Variants in PDZRN3 observed in about 807,000 individuals in gnomAD.
PDZRN3 encodes the protein PDZ domain containing ring finger 3, also known as E3 ubiquitin-protein ligase PDZRN3.
In PDZRN3, 38 loss-of-function variants were observed where a neutral mutation model predicts 85.7. The observed-to-expected ratio is 0.44, with a 90% CI of 0.34 to 0.58. The LOEUF is 0.58. Among genes scored for constraint, PDZRN3 ranks in the 20% least tolerant of loss-of-function variants. The probability of loss-of-function intolerance (pLI) is 0.01; values close to 1 mark genes in which losing one functional copy is unlikely to be tolerated. For synonymous variants in PDZRN3, 759 were observed against 638.0 expected, an observed-to-expected ratio of 1.19 and a Z score of -2.86; for missense variants, 1,629 against 1,506.4, an observed-to-expected ratio of 1.08 and a Z score of -1.35.
At chr3:73,402,463 G>C (rs1448162427) in intron 4 of PDZRN3, 1 of 152,286 alleles carries the variant, frequency 6.6e-6, no homozygotes, top group African/African-American at 2.4e-5. Flanking sequence ...CATCAGCTCA[G>C]TGGAACCTGG....
intron 3 of PDZRN3, among the ~76,000 whole-genome samples, chr3:73,506,909 A>C (rs549562261): frequency 3.1e-4 from 43 of 140,750 alleles, no homozygotes; most frequent in African/African-American, 9.1e-4. Context: ...AAAAAAAAAA[A>C]CAAAAAAACA....
chr3:73,406,989 A>C (rs1701868095), intron 3 of PDZRN3, among the ~76,000 whole-genome samples: 1 of 151,856 alleles, frequency 6.6e-6, no homozygotes, highest in African/African-American at 2.4e-5. Context: ...TGCTAAAAGA[A>C]CTCTTTGTTA....
At chr3:73,454,456 T>C (rs1702938348) in intron 3 of PDZRN3, among the ~76,000 whole-genome samples, 1 of 152,086 alleles carries the variant, frequency 6.6e-6, no homozygotes, top group Non-Finnish European at 1.5e-5. Context: ...GAAGAGGTAA[T>C]GAAAAAGGGG....
intron 3 of PDZRN3, among the ~76,000 whole-genome samples, chr3:73,601,440 C>T (rs1470703465): frequency 2.0e-5 from 3 of 152,198 alleles, no homozygotes; most frequent in East Asian, 1.9e-4. Flanking sequence ...CACTATATTA[C>T]GGCTGTGGCC....
At chr3:73,390,906 T>C (rs1189913141) in intron 6 of PDZRN3, 112 bp downstream of exon 6, 1 of 700,742 alleles carries the variant, frequency 1.4e-6, no homozygotes, top group Non-Finnish European at 2.5e-6. Flanking sequence ...ACAGAATAAT[T>C]TGTGTCTTTC....
intron 3 of PDZRN3, among the ~76,000 whole-genome samples, chr3:73,425,728 CTT>C (rs1464303062): frequency 6.6e-6 from 1 of 152,058 alleles, no homozygotes; most frequent in East Asian, 1.9e-4. Flanking sequence ...TTTATTAAGA[CTT>C]TTAAAAATGG....
chr3:73,440,522 C>A (rs1702614393), intron 3 of PDZRN3, among the ~76,000 whole-genome samples: 2 of 152,186 alleles, frequency 1.3e-5, no homozygotes, highest in African/African-American at 4.8e-5. Context: ...CTCACGGACG[C>A]CCCGTGAGAC....
At chr3:73,413,218 T>C (rs1440026387) in intron 3 of PDZRN3, among the ~76,000 whole-genome samples, 8 of 152,180 alleles carry the variant, frequency 5.3e-5, no homozygotes, top group Admixed American at 4.6e-4. Flanking sequence ...GCCTGGCTCA[T>C]AGCACACTCA....
At chr3:73,493,386 C>T (rs1049360123) in intron 3 of PDZRN3, among the ~76,000 whole-genome samples, 9 of 152,144 alleles carry the variant, frequency 5.9e-5, no homozygotes, top group Admixed American at 2.6e-4. Context: ...ACATGGAGCA[C>T]GGTGACCATG....
chr3:73,410,134 T>C (rs563370340), intron 3 of PDZRN3, among the ~76,000 whole-genome samples: 4 of 152,224 alleles, frequency 2.6e-5, no homozygotes, highest in Non-Finnish European at 5.9e-5. Context: ...TAGACGATAA[T>C]ACACTATATA....
intron 3 of PDZRN3, among the ~76,000 whole-genome samples, chr3:73,446,444 G>A (rs1702749859): frequency 6.6e-6 from 1 of 152,132 alleles, no homozygotes; most frequent in Non-Finnish European, 1.5e-5. Flanking sequence ...ACAATGCTGA[G>A]GACTAACAGA....
chr3:73,539,719 A>T (rs1328405692), intron 3 of PDZRN3, among the ~76,000 whole-genome samples: 2 of 152,100 alleles, frequency 1.3e-5, no homozygotes, highest in Non-Finnish European at 2.9e-5. Flanking sequence ...GAAACAATGA[A>T]TCCTGGGTGC....
chr3:73,600,097 G>A (rs892330871), intron 3 of PDZRN3, among the ~76,000 whole-genome samples: 6 of 152,162 alleles, frequency 3.9e-5, no homozygotes, highest in Admixed American at 2.0e-4. Flanking sequence ...GGTAAGAGCC[G>A]CTGCTCTGGT....
chr3:73,517,721 C>T lies in PDZRN3; in HGVS notation c.918+84633G>A, dbSNP rs563404646. On this transcript the variant is annotated intron_variant, in intron 3 of 9. Coordinates refer to ENST00000263666, the MANE Select transcript of PDZRN3 (RefSeq NM_015009.3). ...ATGGCTTCACATTTCACAAGCAAGA[C>T]GATGTAGAGTTTCTGTAATGTATAA... Among the ~76,000 whole-genome samples the T allele has an allele frequency of 2.6e-5, 4 of 152,242 alleles. No individual in the cohort carries two copies. The South Asian group carries it at 6.2e-4, about 24-fold the overall frequency.
chr3:73,425,308 G>A (rs926211713), intron 3 of PDZRN3, among the ~76,000 whole-genome samples: 9 of 152,092 alleles, frequency 5.9e-5, no homozygotes, highest in East Asian at 3.9e-4. Context: ...GTGAGCCACC[G>A]CGCCCAGCCA....
chr3:73,477,960 T>C (rs1703490747), intron 3 of PDZRN3, among the ~76,000 whole-genome samples: 1 of 152,154 alleles, frequency 6.6e-6, no homozygotes, highest in Non-Finnish European at 1.5e-5. Flanking sequence ...GACAACAACA[T>C]GGGGAAAACC....
intron 3 of PDZRN3, among the ~76,000 whole-genome samples, chr3:73,583,441 C>T (rs1257901338): frequency 6.6e-6 from 1 of 152,188 alleles, no homozygotes; most frequent in South Asian, 2.1e-4. Context: ...TTGATATTCT[C>T]AGCACTGGTT....
At chr3:73,400,853 A>C in intron 5 of PDZRN3, 69 bp downstream of exon 5, 4 of 1,098,458 alleles carry the variant, frequency 3.6e-6, no homozygotes, top group Non-Finnish European at 5.6e-6. Context: ...TTATGCTTAT[A>C]GAGAACTTAT....
chr3:73,604,196 G>A (rs1012160650), intron 2 of PDZRN3, among the ~76,000 whole-genome samples: 9 of 152,104 alleles, frequency 5.9e-5, no homozygotes, highest in Non-Finnish European at 1.3e-4. Flanking sequence ...CCTCTCTCAC[G>A]GCAGCCTTAC....
Sources: gnomAD v4.1 joint callset for allele counts (sites outside exome capture counted in the v4.1 genomes callset) on GRCh38, gnomAD v4.1.1 for gene constraint, MANE v1.5 for transcripts, NCBI Gene and HGNC (gene_info 2026-07-23, HGNC 2026-07-21) for gene names.